Variants in VWF observed in about 807,000 individuals in gnomAD.
The protein encoded by VWF is Factor VIII related antigen.
In VWF, 176 loss-of-function variants were observed where a neutral mutation model predicts 308.6. The ratio of observed to expected loss-of-function variants is 0.57; its 90% CI spans 0.50 to 0.65. The LOEUF (loss-of-function observed/expected upper bound fraction) is 0.65, where lower values mean the gene tolerates loss of function less well. VWF is among the 30% of genes least tolerant of loss of function. The pLI, the probability that VWF is intolerant of heterozygous loss-of-function variation, is 0.00. For missense variants in VWF, 3,146 were observed against 3,648.2 expected (o/e 0.86, Z 3.55); for synonymous variants, 1,385 against 1,443.4 (o/e 0.96, Z 0.92).
intron 47 of VWF, among the ~76,000 whole-genome samples, chr12:5,965,995 C>G (rs1943397594): frequency 6.6e-6 from 1 of 152,206 alleles, no homozygotes; most frequent in Non-Finnish European, 1.5e-5. Flanking sequence ...ACATCTGAGA[C>G]TGGATTCTAA....
At position 5,994,588 on chromosome 12, in the gene VWF, A is replaced by C; in HGVS notation, c.6083T>G (p.Leu2028Arg). 1 of 1,613,996 alleles carries C rather than the reference A, an allele frequency of 6.2e-7. No individual in the cohort carries two copies. Among genetic ancestry groups the C allele is most frequent in the Non-Finnish European group, 8.5e-7 (1 of 1,179,846 alleles). ...CCCACCCACGTAAGGAACAGAGACC[A>C]GTCTCCCATTCACCGTCACCTGCAC... ...SDMEVTVNGRLVSVPYVGGNM... is the reference protein window; with the variant it reads ...SDMEVTVNGRRVSVPYVGGNM... The change falls in exon 36 of 52, where the codon CTG becomes CGG. Residue 2028 changes from leucine (L) to arginine (R), a missense_variant. By Grantham distance (102) the Leu-to-Arg change is moderately radical (BLOSUM62 -2). Transcript: ENST00000261405.
In VWF at chr12:6,029,462, A is replaced by G; in HGVS notation, c.2847T>C (p.Asp949=). The G allele has an allele frequency of 6.2e-7, 1 of 1,613,468 alleles. No individual in the cohort carries two copies. ...GEVNVKRPMK[D]ETHFEVVESG... ...ACTCCACCACCTCAAAGTGAGTCTCATCCTTCATGGGCCTCTTCACATTCA... is the reference window on the plus strand; with the variant it reads ...ACTCCACCACCTCAAAGTGAGTCTCGTCCTTCATGGGCCTCTTCACATTCA... Residue 949 remains aspartate, a synonymous_variant, in exon 22 of 52, where the codon GAT becomes GAC. Transcript: ENST00000261405.
At chr12:6,069,579 G>A (rs969265570) in intron 10 of VWF, among the ~76,000 whole-genome samples, 9 of 152,168 alleles carry the variant, frequency 5.9e-5, no homozygotes, top group Non-Finnish European at 1.2e-4. Flanking sequence ...AGTCATGGCA[G>A]GGTGTGGAAA....
chr12:5,993,808 A>G, intron 37 of VWF, 54 bp downstream of exon 37: 2 of 1,560,036 alleles, frequency 1.3e-6, no homozygotes, highest in Middle Eastern at 1.7e-4. Flanking sequence ...AGAGAGGCTG[A>G]GCAAGCCCAG....
chr12:5,970,632 G>A lies in VWF; in HGVS notation c.7548+967C>T, dbSNP rs547524762. The stretch of plus-strand genomic sequence containing the variant: ...ATAGGCAACTCGGACTAGAGGGGGA[G>A]GTGGAAACTCACCTGAAAAAGCCCA... On this transcript the variant is annotated intron_variant, in intron 44 of 51. Transcript: ENST00000261405. Among the ~76,000 whole-genome samples the A allele has an allele frequency of 2.6e-5, 4 of 152,314 alleles. No individual in the cohort carries two copies. The South Asian group carries it at 8.3e-4, about 32-fold the overall frequency.
intron 50 of VWF, among the ~76,000 whole-genome samples, chr12:5,951,314 G>A (rs560179395): frequency 6.6e-6 from 1 of 152,264 alleles, no homozygotes; most frequent in East Asian, 1.9e-4. Flanking sequence ...GAAGAAGAGG[G>A]GGTGATAAAC....
intron 42 of VWF, among the ~76,000 whole-genome samples, chr12:5,979,438 A>G (rs1444004735): frequency 6.6e-6 from 1 of 152,234 alleles, no homozygotes; most frequent in Non-Finnish European, 1.5e-5. Context: ...CTGAACACAT[A>G]ATCAGTCCTA....
At chr12:5,997,612 T>C (rs1480682259) in intron 34 of VWF, among the ~76,000 whole-genome samples, 1 of 152,242 alleles carries the variant, frequency 6.6e-6, no homozygotes, top group Non-Finnish European at 1.5e-5. Context: ...AGTTGCAATA[T>C]AGATGAAATG....
intron 37 of VWF, among the ~76,000 whole-genome samples, chr12:5,992,513 G>A (rs1183796755): frequency 6.6e-6 from 1 of 152,230 alleles, no homozygotes; most frequent in Non-Finnish European, 1.5e-5. Context: ...CCGATCAGTT[G>A]TATGACAGAA....
intron 2 of VWF, among the ~76,000 whole-genome samples, chr12:6,122,395 C>T (rs1164755063): frequency 6.6e-6 from 1 of 152,166 alleles, no homozygotes; most frequent in African/African-American, 2.4e-5. Flanking sequence ...ACTCCTCCGG[C>T]GTCACAGGCT....
At position 5,996,191 on chromosome 12, in the gene VWF, G is replaced by A. The variant is rs773406142; in HGVS notation, c.5874C>T (p.Ile1958=). The change falls in exon 35 of 52, where the codon ATC becomes ATT. Residue 1958 remains isoleucine, a synonymous_variant. Transcript: ENST00000261405. ...CVCTGSSTRH[I]VTFDGQNFKL... is the part of the protein sequence containing the mutation. The stretch of plus-strand genomic sequence containing the variant: ...TGAAATTCTGCCCATCAAAGGTCAC[G>A]ATGTGCCGAGTGGAGCTGCCTGTGC... 5.0e-6 allele frequency: 8 copies of A among 1,613,634 alleles called. No individual in the cohort carries two copies. Among genetic ancestry groups the A allele is most frequent in the Admixed American group, 1.7e-5 (1 of 59,966 alleles).
chr12:5,980,255 C>T (rs59922994), intron 42 of VWF, among the ~76,000 whole-genome samples: 5 of 7,576 alleles, frequency 6.6e-4, no homozygotes, highest in African/African-American at 1.1e-3. Flanking sequence ...AAGGAAGTGA[C>T]GTAGGGAGGG....
At chr12:5,949,962 G>A in intron 50 of VWF, 79 bp from the exon 51 acceptor site, 1 of 1,353,242 alleles carries the variant, frequency 7.4e-7, no homozygotes. Context: ...TGCCCTCACT[G>A]GGCTGGAAAT....
intron 19 of VWF, 70 bp from the exon 20 acceptor site, chr12:6,034,896 G>A: frequency 1.3e-6 from 2 of 1,589,160 alleles, no homozygotes; most frequent in Non-Finnish European, 1.7e-6. Flanking sequence ...GGGCCATGGA[G>A]GCAATGAAGG....
intron 44 of VWF, among the ~76,000 whole-genome samples, chr12:5,969,732 CG>C (rs1352663435): frequency 6.6e-6 from 1 of 152,196 alleles, no homozygotes; most frequent in Non-Finnish European, 1.5e-5. Flanking sequence ...AAGGTGCAGC[CG>C]GGAAGCTCAA....
At chr12:6,072,864 CAAT>C (rs1236344542) in intron 8 of VWF, among the ~76,000 whole-genome samples, 1 of 99,092 alleles carries the variant, frequency 1.0e-5, no homozygotes, top group Admixed American at 1.4e-4. Context: ...GACTCACTCT[CAAT>C]AACTTTTTTT....
At position 5,969,163 on chromosome 12, in the gene VWF, C is replaced by T. The variant is rs748322742; in HGVS notation, c.7729+48G>A. On this transcript the variant is annotated intron_variant, in intron 45 of 51. Coordinates refer to ENST00000261405, the MANE Select transcript of VWF (RefSeq NM_000552.5). ...CAGGAGCCAAAAGTGGAAAGAGAGG[C>T]TTAAAGGTGGTGCCCGGTCCAGCCC... The T allele has an allele frequency of 2.5e-6, 4 of 1,574,164 alleles. No homozygotes were observed. The East Asian group carries it at 6.9e-5, about 27-fold the overall frequency.
Position 6,072,242 on chromosome 12 carries a change from T to C in VWF, c.1109+89A>G, listed in dbSNP as rs1304861263. ...TCTTTCTTGGCACGGTCCAGGTTCT[T>C]TTCCACCTGCCACCACCCCTGCTGA... is the stretch of plus-strand genomic sequence containing the variant. On this transcript the variant is annotated intron_variant, in intron 9 of 51. Coordinates refer to ENST00000261405, the MANE Select transcript of VWF (RefSeq NM_000552.5). 4.0e-6 allele frequency: 5 copies of C among 1,260,236 alleles called. No individual in the cohort carries two copies. The East Asian group carries it at 7.0e-5, about 18-fold the overall frequency. 78.1% of individuals were successfully genotyped at this position (1,260,236 alleles called of 1,614,324 possible). A position where few individuals can be genotyped will look rare whatever the true frequency, so the allele number is the denominator to read the frequency against.
chr12:5,953,648 A>C, intron 47 of VWF, 54 bp from the exon 48 acceptor site: 1 of 1,436,560 alleles, frequency 7.0e-7, no homozygotes, highest in Non-Finnish European at 9.8e-7. Flanking sequence ...AAACATCCCA[A>C]TTGTAAGTAG....
Sources: gnomAD v4.1 joint callset for allele counts (sites outside exome capture counted in the v4.1 genomes callset) on GRCh38, gnomAD v4.1.1 for gene constraint, MANE v1.5 for transcripts, NCBI Gene and HGNC (gene_info 2026-07-23, HGNC 2026-07-21) for gene names.